RPSA2: variants seen among roughly 807,000 people sequenced by gnomAD.
The protein encoded by RPSA2 is ribosomal protein SA 2.
At chr19:23,830,692 T>G in the RPSA2 span, among the ~76,000 whole-genome samples, 1 of 152,170 alleles carries the variant, frequency 6.6e-6, no homozygotes, top group Non-Finnish European at 1.5e-5. Flanking sequence ...ATTTCCATAG[T>G]TGTCTCTGTT....
the RPSA2 span, among the ~76,000 whole-genome samples, chr19:23,842,932 T>G: frequency 9.9e-5 from 15 of 152,180 alleles, no homozygotes; most frequent in Admixed American, 2.0e-4. Context: ...GCATTAAATA[T>G]TATTGCCCAA....
the RPSA2 span, chr19:23,828,115 T>TAA: frequency 4.4e-3 from 1,705 of 390,636 alleles, 30 homozygotes; most frequent in African/African-American, 0.096. Context: ...CATCAGTTTC[T>TAA]AAAAAAAAAA....
the RPSA2 span, among the ~76,000 whole-genome samples, chr19:23,770,439 T>G: frequency 6.6e-6 from 1 of 152,274 alleles, no homozygotes; most frequent in African/African-American, 2.4e-5. Flanking sequence ...TTCCATCACC[T>G]AGGTGATGTG....
chr19:23,868,063 C>T, the RPSA2 span, among the ~76,000 whole-genome samples: 1 of 152,112 alleles, frequency 6.6e-6, no homozygotes, highest in East Asian at 1.9e-4. Flanking sequence ...GTTTGTTATC[C>T]TAAAAATAGT....
the RPSA2 span, among the ~76,000 whole-genome samples, chr19:23,867,286 G>T: frequency 6.6e-6 from 1 of 152,176 alleles, no homozygotes; most frequent in Non-Finnish European, 1.5e-5. Context: ...AGTGTTCAAC[G>T]GAGTGCTGAG....
the RPSA2 span, chr19:23,827,743 A>G: frequency 3.8e-6 from 6 of 1,577,678 alleles, no homozygotes; most frequent in African/African-American, 2.7e-5. Context: ...GTGAACACCC[A>G]TGGGAGGTCA....
chr19:23,811,405 G>A, the RPSA2 span, among the ~76,000 whole-genome samples: 1 of 152,108 alleles, frequency 6.6e-6, no homozygotes. Flanking sequence ...AATGTATCAT[G>A]TAGCTGTCAT....
chr19:23,758,922 G>C, the RPSA2 span: 1 of 789,902 alleles, frequency 1.3e-6, no homozygotes, highest in East Asian at 2.5e-5. Context: ...AAGCCGCCCT[G>C]TCTGCTCCAG....
At chr19:23,832,171 C>A in the RPSA2 span, 2 of 400,736 alleles carry the variant, frequency 5.0e-6, no homozygotes, top group East Asian at 7.0e-5. Flanking sequence ...ATTTTGCCAG[C>A]CCTCAACCCT....
chr19:23,795,999 G>A, the RPSA2 span, among the ~76,000 whole-genome samples: 3 of 152,004 alleles, frequency 2.0e-5, no homozygotes, highest in South Asian at 2.1e-4. Flanking sequence ...TCCTGACCTC[G>A]GGTGATCCGC....
the RPSA2 span, chr19:23,827,987 T>C: frequency 5.7e-5 from 47 of 828,044 alleles, no homozygotes; most frequent in African/African-American, 5.7e-4. Flanking sequence ...CACGGAAGAC[T>C]GGTCTGCAGC....
chr19:23,861,991 G>A, the RPSA2 span, among the ~76,000 whole-genome samples: 5 of 151,972 alleles, frequency 3.3e-5, no homozygotes, highest in Non-Finnish European at 4.4e-5. Flanking sequence ...TCATGATATT[G>A]ATTCTTCCTA....
chr19:23,776,350 T>C, the RPSA2 span, among the ~76,000 whole-genome samples: 1 of 152,194 alleles, frequency 6.6e-6, no homozygotes, highest in Non-Finnish European at 1.5e-5. Flanking sequence ...CATTTGGACA[T>C]ATCACTGTGC....
the RPSA2 span, among the ~76,000 whole-genome samples, chr19:23,850,930 C>G: frequency 1.3e-5 from 2 of 152,136 alleles, no homozygotes; most frequent in African/African-American, 4.8e-5. Flanking sequence ...TCCACAACAG[C>G]CTGTCCCTGA....
At chr19:23,800,130 G>A in the RPSA2 span, among the ~76,000 whole-genome samples, 1 of 150,316 alleles carries the variant, frequency 6.7e-6, no homozygotes, top group African/African-American at 2.4e-5. Context: ...TCAGGTTCAA[G>A]TGATTCTCCT....
the RPSA2 span, among the ~76,000 whole-genome samples, chr19:23,842,369 C>T: frequency 6.6e-6 from 1 of 152,154 alleles, no homozygotes; most frequent in Non-Finnish European, 1.5e-5. Context: ...ATTTTATCCT[C>T]TTTGTTCAGA....
chr19:23,831,130 C>G, the RPSA2 span, among the ~76,000 whole-genome samples: 2 of 152,084 alleles, frequency 1.3e-5, no homozygotes, highest in South Asian at 4.1e-4. Context: ...TCTCAGCTGA[C>G]TCAAACTCTC....
At chr19:23,803,048 G>T in the RPSA2 span, among the ~76,000 whole-genome samples, 9 of 151,556 alleles carry the variant, frequency 5.9e-5, no homozygotes, top group Non-Finnish European at 1.3e-4. Context: ...CCTTGAGAGG[G>T]GAGTGGGGTT....
the RPSA2 span, among the ~76,000 whole-genome samples, chr19:23,835,718 C>A: frequency 6.6e-6 from 1 of 151,996 alleles, no homozygotes; most frequent in Non-Finnish European, 1.5e-5. Context: ...CTCACTGTAG[C>A]CTCTGCCTCT....
Sources: allele counts gnomAD v4.1 joint callset (sites outside exome capture counted in the v4.1 genomes callset), GRCh38; gene constraint gnomAD v4.1.1; transcripts MANE v1.5; gene names NCBI Gene and HGNC (gene_info 2026-07-23, HGNC 2026-07-21).